PIAS2: variants seen among roughly 807,000 people sequenced by gnomAD.
The protein encoded by PIAS2 is E3 SUMO-protein ligase PIAS2.
Under a neutral mutation model 69.7 loss-of-function variants are expected in PIAS2, and 19 were observed. The ratio of observed to expected loss-of-function variants is 0.27; its 90% CI spans 0.19 to 0.40. PIAS2 has a LOEUF of 0.40. Ranked by LOEUF, PIAS2 falls within the 10% of genes least tolerant of loss-of-function variation. The probability of loss-of-function intolerance (pLI) is 1.00; values close to 1 mark genes in which losing one functional copy is unlikely to be tolerated. For synonymous variants in PIAS2, 261 were observed against 263.2 expected (o/e 0.99, Z 0.08); for missense variants, 624 against 757.0 (o/e 0.82, Z 2.06).
At chr18:46,817,860 A>C in intron 12 of PIAS2, 1 of 968,938 alleles carries the variant, frequency 1.0e-6, no homozygotes, top group Non-Finnish European at 1.2e-6. Flanking sequence ...TTTAAGCAGA[A>C]TATTAAAACT....
chr18:46,873,366 G>A (rs1302608883), intron 2 of PIAS2, among the ~76,000 whole-genome samples: 1 of 152,248 alleles, frequency 6.6e-6, no homozygotes, highest in Middle Eastern at 3.4e-3. Context: ...TCACACAAAG[G>A]TCAAGGCTGA....
At chr18:46,880,123 CA>C in intron 2 of PIAS2, among the ~76,000 whole-genome samples, 1 of 149,492 alleles carries the variant, frequency 6.7e-6, no homozygotes, top group African/African-American at 2.5e-5. Context: ...GGGATGGGGA[CA>C]GTGGTTCATG....
chr18:46,916,698 T>C (rs1326116051), intron 1 of PIAS2: 1 of 450,712 alleles, frequency 2.2e-6, no homozygotes, highest in Non-Finnish European at 2.9e-6. Flanking sequence ...ACTTTGCAGA[T>C]TTCTTACTAA....
At chr18:46,847,583 G>A (rs1196265267) in intron 5 of PIAS2, among the ~76,000 whole-genome samples, 1 of 151,070 alleles carries the variant, frequency 6.6e-6, no homozygotes, top group Non-Finnish European at 1.5e-5. Context: ...TCGGGTTCAC[G>A]CCAGTCTCCT....
intron 6 of PIAS2, among the ~76,000 whole-genome samples, chr18:46,845,170 G>A (rs1356952810): frequency 6.6e-6 from 1 of 152,122 alleles, no homozygotes; most frequent in Admixed American, 6.5e-5. Flanking sequence ...ACCCTCCTAT[G>A]ACTAACCAGA....
chr18:46,810,266 T>C lies in PIAS2; in HGVS notation c.*2167A>G, dbSNP rs1375500643. On this transcript the variant is annotated 3_prime_UTR_variant, in exon 14 of 14. Coordinates refer to ENST00000585916, the MANE Select transcript of PIAS2 (RefSeq NM_004671.5). ...ATAAGAACCAAGTAAATAAACTAAT[T>C]TCTATTAATATTTTCATTTACTTTA... is the stretch of plus-strand genomic sequence containing the variant. The C allele has an allele frequency of 1.3e-5, 2 of 152,102 alleles. No homozygotes were observed. The highest frequency in any genetic ancestry group is 2.9e-5 in the Non-Finnish European group (2 of 68,004). The allele number at this position is 152,102 out of a possible 1,614,324, so 9.4% of individuals were successfully genotyped here.
chr18:46,890,869 T>C lies in PIAS2; in HGVS notation c.210A>G (p.Glu70=). 2.5e-6 allele frequency: 4 copies of C among 1,614,220 alleles called. No homozygotes were observed. The highest frequency in any genetic ancestry group is 2.2e-5 in the East Asian group (1 of 44,888). ...LYRRRYPRTL[E]GLSDLSTIKS... ...TGATTGTGGATAAATCAGAAAGTCC[T>C]TCAAGAGTTCGTGGATATCGGCGTC... Residue 70 remains glutamate (E), a synonymous_variant, in exon 2 of 14, where the codon GAA becomes GAG. Transcript: ENST00000585916.
intron 1 of PIAS2, among the ~76,000 whole-genome samples, chr18:46,894,891 T>C (rs58993513): frequency 0.45 from 67,551 of 151,054 alleles, 15,140 homozygotes; most frequent in Middle Eastern, 0.51. Context: ...ACCAACACGG[T>C]GAAACCCCGT....
chr18:46,866,786 C>A (rs547607910), intron 2 of PIAS2, among the ~76,000 whole-genome samples: 1 of 152,188 alleles, frequency 6.6e-6, no homozygotes, highest in Admixed American at 6.5e-5. Context: ...TTCTGATAAA[C>A]CTGAAATCTC....
chr18:46,898,180 G>C (rs993031306), intron 1 of PIAS2, among the ~76,000 whole-genome samples: 50 of 151,362 alleles, frequency 3.3e-4, no homozygotes, highest in African/African-American at 1.1e-3. Context: ...TTTTGAGAGA[G>C]AGAATCTCAC....
In PIAS2 at chr18:46,821,004, G is replaced by C; in HGVS notation, c.1577C>G (p.Pro526Arg). ...SVTSVDPAAIPPSLTDYSVPF... is the reference protein window; with the variant it reads ...SVTSVDPAAIRPSLTDYSVPF... ...TACTGAGTAGTCTGTTAATGAAGGCGGAATAGCAGCAGGATCAACCGAAGT... is the reference window on the plus strand; with the variant it reads ...TACTGAGTAGTCTGTTAATGAAGGCCGAATAGCAGCAGGATCAACCGAAGT... Residue 526 changes from proline (P) to arginine (R), a missense_variant, in exon 12 of 14, where the codon CCG becomes CGG. Physicochemically the swap from Pro to Arg is moderately radical, Grantham distance 103 (BLOSUM62 -2). Coordinates refer to ENST00000585916, the MANE Select transcript of PIAS2 (RefSeq NM_004671.5). The C allele has an allele frequency of 6.2e-7, 1 of 1,613,264 alleles. No homozygotes were observed. The highest frequency in any genetic ancestry group is 1.1e-5 in the South Asian group (1 of 91,038).
intron 2 of PIAS2, among the ~76,000 whole-genome samples, chr18:46,888,285 G>C (rs1241627423): frequency 6.6e-6 from 1 of 151,640 alleles, no homozygotes; most frequent in Non-Finnish European, 1.5e-5. Flanking sequence ...TGTGGGAAAA[G>C]AAAGACTTAA....
chr18:46,835,593 A>G (rs1335416713), intron 9 of PIAS2, among the ~76,000 whole-genome samples: 1 of 152,186 alleles, frequency 6.6e-6, no homozygotes, highest in African/African-American at 2.4e-5. Flanking sequence ...TGCCTGGCTT[A>G]AAACATTTTC....
At position 46,803,537 on chromosome 18, in the gene PIAS2, T is replaced by C. The variant is rs1368758842; in HGVS notation, c.*8896A>G. 4 of 152,170 alleles carry C rather than the reference T, an allele frequency of 2.6e-5. No homozygotes were observed. In the East Asian group the frequency reaches 7.8e-4, roughly 29 times the overall value. The allele number at this position is 152,170 out of a possible 1,614,324, so 9.4% of individuals were successfully genotyped here. A position where few individuals can be genotyped will look rare whatever the true frequency, so the allele number is the denominator to read the frequency against. ...TCCACTTTCATAGTTTCAGTGCTAC[T>C]ACCCATCAATTGGTAGGATATGTCT... On this transcript the variant is annotated 3_prime_UTR_variant, in exon 14 of 14. Transcript: ENST00000585916.
intron 5 of PIAS2, among the ~76,000 whole-genome samples, chr18:46,848,199 A>G (rs2046429054): frequency 6.6e-6 from 1 of 152,162 alleles, no homozygotes; most frequent in African/African-American, 2.4e-5. Context: ...TCATTCCACT[A>G]ATGTCTCAGA....
intron 9 of PIAS2, among the ~76,000 whole-genome samples, chr18:46,835,069 A>C (rs757525483): frequency 2.2e-4 from 34 of 152,224 alleles, no homozygotes; most frequent in Non-Finnish European, 4.1e-4. Flanking sequence ...CAAATATGGA[A>C]TATCAAGAAT....
chr18:46,920,008 C>T (rs1323689499), upstream of PIAS2: 1 of 1,240,826 alleles, frequency 8.1e-7, no homozygotes, highest in Non-Finnish European at 1.1e-6. Context: ...AGAGGACCAA[C>T]ATAAACACAA....
At chr18:46,894,736 A>T (rs2097728777) in intron 1 of PIAS2, among the ~76,000 whole-genome samples, 1 of 152,132 alleles carries the variant, frequency 6.6e-6, no homozygotes. Context: ...ACTACATACA[A>T]AGATGAAGGC....
intron 3 of PIAS2, among the ~76,000 whole-genome samples, chr18:46,857,075 T>C (rs1346473741): frequency 6.6e-6 from 1 of 152,234 alleles, no homozygotes; most frequent in Non-Finnish European, 1.5e-5. Flanking sequence ...ATATAAGATG[T>C]GCTCAACACA....
Sources: allele counts gnomAD v4.1 joint callset (sites outside exome capture counted in the v4.1 genomes callset), GRCh38; gene constraint gnomAD v4.1.1; transcripts MANE v1.5; gene names NCBI Gene and HGNC (gene_info 2026-07-23, HGNC 2026-07-21).